KRIT1: variants seen among roughly 807,000 people sequenced by gnomAD.
KRIT1 encodes the protein krev interaction trapped protein 1.
KRIT1 carries 45 observed loss-of-function variants against 95.8 expected under a neutral mutation model. That is an observed-to-expected ratio of 0.47 (90% CI 0.37 to 0.60). The LOEUF is 0.60. Among genes scored for constraint, KRIT1 ranks in the 20% least tolerant of loss-of-function variants. KRIT1 has a pLI of 0.00. For synonymous variants in KRIT1, 282 were observed against 278.8 expected, an observed-to-expected ratio of 1.01 and a Z score of -0.11; for missense variants, 788 against 877.5, an observed-to-expected ratio of 0.90 and a Z score of 1.29.
At chr7:92,236,252 G>T in intron 7 of KRIT1, 161 bp downstream of exon 7, 1 of 565,142 alleles carries the variant, frequency 1.8e-6, no homozygotes, top group Non-Finnish European at 3.1e-6. Flanking sequence ...CCTTATCTTC[G>T]GGTTTTTCAT....
chr7:92,245,283 C>T (rs947040268), intron 1 of KRIT1, 112 bp from the exon 2 acceptor site: 6 of 152,168 alleles, frequency 3.9e-5, no homozygotes, highest in African/African-American at 1.4e-4. Context: ...TACGTAATCA[C>T]TCTGCCTGGG....
At chr7:92,201,573 A>C (rs1310205640) in intron 17 of KRIT1, 150 bp from the exon 18 acceptor site, 2 of 624,622 alleles carry the variant, frequency 3.2e-6, no homozygotes, top group Non-Finnish European at 5.8e-6. Context: ...TCTGGGGTAC[A>C]CGTGCAGAAT....
chr7:92,220,215 TGA>T (rs1794848226), intron 14 of KRIT1, among the ~76,000 whole-genome samples: 1 of 152,188 alleles, frequency 6.6e-6, no homozygotes, highest in South Asian at 2.1e-4. Flanking sequence ...CCTAGTTTTC[TGA>T]GAGTTTTTTA....
chr7:92,232,781 C>A (rs1015946143), intron 10 of KRIT1, among the ~76,000 whole-genome samples: 1 of 152,128 alleles, frequency 6.6e-6, no homozygotes, highest in African/African-American at 2.4e-5. Context: ...GCAAGCTCCG[C>A]CTCGCGGGTT....
chr7:92,201,783 G>A (rs145553987), intron 17 of KRIT1, among the ~76,000 whole-genome samples: 23 of 151,968 alleles, frequency 1.5e-4, no homozygotes, highest in African/African-American at 4.8e-4. Flanking sequence ...GAGAACATGC[G>A]GTGTTTGGTT....
At chr7:92,208,681 CAG>C (rs1269353489) in intron 17 of KRIT1, among the ~76,000 whole-genome samples, 4 of 152,034 alleles carry the variant, frequency 2.6e-5, no homozygotes, top group African/African-American at 7.2e-5. Context: ...AAAACCTCAA[CAG>C]ATAAATTCTC....
intron 10 of KRIT1, 57 bp downstream of exon 10, chr7:92,234,392 C>T (rs1797960014): frequency 1.5e-6 from 2 of 1,311,252 alleles, no homozygotes; most frequent in East Asian, 2.5e-5. Context: ...GAAGGACTAA[C>T]ATTTATAATA....
At chr7:92,201,670 T>C (rs968348555) in intron 17 of KRIT1, 33 of 407,168 alleles carry the variant, frequency 8.1e-5, no homozygotes, top group African/African-American at 6.6e-4. Flanking sequence ...TTTCTCCTAA[T>C]GCTATCCCTC....
At chr7:92,236,224 G>GT in intron 7 of KRIT1, 189 bp downstream of exon 7, 1 of 509,714 alleles carries the variant, frequency 2.0e-6, no homozygotes, top group Non-Finnish European at 3.5e-6. Flanking sequence ...TTAACATGCT[G>GT]TACCCAGGCC....
chr7:92,230,009 G>C (rs1267039147), intron 10 of KRIT1, among the ~76,000 whole-genome samples: 3 of 152,166 alleles, frequency 2.0e-5, no homozygotes, highest in African/African-American at 7.2e-5. Flanking sequence ...AGAGAAATGT[G>C]ATCACCTTAG....
At chr7:92,214,048 G>T in intron 15 of KRIT1, 69 bp from the exon 16 acceptor site, 1 of 935,518 alleles carries the variant, frequency 1.1e-6, no homozygotes, top group East Asian at 2.4e-5. Context: ...TAATCATTCT[G>T]TTACAAATGG....
chr7:92,234,254 C>T (rs967763956), intron 10 of KRIT1, among the ~76,000 whole-genome samples, 195 bp downstream of exon 10: 1 of 152,158 alleles, frequency 6.6e-6, no homozygotes, highest in Non-Finnish European at 1.5e-5. Flanking sequence ...ACTAACAGTA[C>T]GTTCCCCATA....
chr7:92,222,969 C>T lies in KRIT1; in HGVS notation c.1264G>A (p.Val422Ile), dbSNP rs139690878. ...KEAINKPYEK[V>I]RIYRMDGSYR... is the part of the protein sequence containing the mutation. ...GACCCATCCATTCTGTATATTCGAA[C>T]TTTTTCATACTACAAGAAACGATAA... The change falls in exon 13 of 19, where the codon GTT becomes ATT. Residue 422 changes from valine (V) to isoleucine (I), a missense_variant. By Grantham distance (29) the Val-to-Ile change is conservative. Transcript: ENST00000394505. 1.5e-5 allele frequency: 24 copies of T among 1,605,296 alleles called. No homozygotes were observed. The African/African-American group carries it at 3.1e-4, about 21-fold the overall frequency.
At chr7:92,225,120 T>C (rs1395326852) in intron 12 of KRIT1, among the ~76,000 whole-genome samples, 1 of 151,958 alleles carries the variant, frequency 6.6e-6, no homozygotes, top group Non-Finnish European at 1.5e-5. Flanking sequence ...GCCATTGTAT[T>C]CCAGCCTGGG....
chr7:92,235,618 G>A lies in KRIT1; in HGVS notation c.514C>T (p.His172Tyr). 1 of 1,613,834 alleles carries A rather than the reference G, an allele frequency of 6.2e-7. No homozygotes were observed. Reference protein sequence around the residue: ...KWLDERHAQSHFIPALFRPSP... With the variant: ...KWLDERHAQSYFIPALFRPSP... ...GGTCGGAATAAAGCTGGAATAAAGT[G>A]AGATTGTGCATGACGTTCATCTAAC... Residue 172 changes from histidine to tyrosine, a missense_variant, in exon 8 of 19, where the codon CAC becomes TAC. His to Tyr is a moderately conservative substitution (Grantham distance 83, BLOSUM62 2). Coordinates refer to ENST00000394505, the MANE Select transcript of KRIT1 (RefSeq NM_194454.3).
rs1245901598 is a variant in KRIT1, at chr7:92,235,507, C to T, written c.625G>A (p.Gly209Ser). ...CTCTTTATTTCTAGTGCACTATAGC[C>T]CATATGTAGTGAGTTTTCTGTCTGA... is the stretch of plus-strand genomic sequence containing the variant. ...SGQTENSLHM[G>S]YSALEIKSKM... The change falls in exon 8 of 19, where the codon GGC becomes AGC. Residue 209 changes from glycine (G) to serine (S), a missense_variant. Transcript: ENST00000394505. 4 of 1,613,474 alleles carry T rather than the reference C, an allele frequency of 2.5e-6. No homozygotes were observed. The highest frequency in any genetic ancestry group is 1.3e-5 in the African/African-American group (1 of 74,872).
At chr7:92,209,609 T>C (rs1000843107) in intron 17 of KRIT1, among the ~76,000 whole-genome samples, 3 of 152,084 alleles carry the variant, frequency 2.0e-5, no homozygotes, top group Admixed American at 1.3e-4. Flanking sequence ...TCATTTACTA[T>C]AGCTAGTAAA....
rs1796295896 is a variant in KRIT1 at position 92,226,798 on chromosome 7, A to C, written c.990-116T>G. ...GATGATATCTCAAAGAAATCTAAGA[A>C]TTTTCTAGGACAGAGAGCAAAGGAT... is the stretch of plus-strand genomic sequence containing the variant. On this transcript the variant is annotated intron_variant, in intron 10 of 18. Coordinates refer to ENST00000394505, the MANE Select transcript of KRIT1 (RefSeq NM_194454.3). 27 of 880,530 alleles carry C rather than the reference A, an allele frequency of 3.1e-5. No individual in the cohort carries two copies. In the South Asian group the frequency reaches 3.7e-4, roughly 12 times the overall value. The allele number at this position is 880,530 out of a possible 1,614,324, so 54.5% of individuals were successfully genotyped here.
Position 92,242,092 on chromosome 7 carries a change from A to G in KRIT1, c.44T>C (p.Ile15Thr). The G allele has an allele frequency of 1.2e-6, 2 of 1,605,498 alleles. No individual in the cohort carries two copies. The highest frequency in any genetic ancestry group is 8.5e-7 in the Non-Finnish European group (1 of 1,172,366). ...GAGACTGGCAGTATTCTTTGGACGA[A>G]TAACAGCAACATATGCATCTTCTAT... Reference protein sequence around the residue: ...ENIEDAYVAVIRPKNTASLNS... With the variant: ...ENIEDAYVAVTRPKNTASLNS... Residue 15 changes from isoleucine to threonine, a missense_variant, in exon 4 of 19, where the codon ATT (isoleucine) becomes ACT (threonine). By Grantham distance (89) the Ile-to-Thr change is moderately conservative (BLOSUM62 -1). This residue lies in a region of KRIT1 where 289 missense variants were observed against 277.5 expected (regional missense o/e 1.04). Transcript: ENST00000394505.
Sources: allele counts gnomAD v4.1 joint callset (sites outside exome capture counted in the v4.1 genomes callset), GRCh38; gene constraint gnomAD v4.1.1; regional missense constraint gnomAD v4.1.1; transcripts MANE v1.5; gene names NCBI Gene and HGNC (gene_info 2026-07-23, HGNC 2026-07-21).